The following SLC28A3 variants were observed in gnomAD, a reference collection of about 807,000 sequenced individuals.
SLC28A3 encodes the protein concentrative Na(+)-nucleoside cotransporter 3.
Under a neutral mutation model 84.2 loss-of-function variants are expected in SLC28A3, and 68 were observed. The ratio of observed to expected loss-of-function variants is 0.81; its 90% CI spans 0.66 to 0.99. The LOEUF is 0.99. SLC28A3 is among the 50% of genes least tolerant of loss of function. The probability of loss-of-function intolerance (pLI) is 0.00; values close to 1 mark genes in which losing one functional copy is unlikely to be tolerated. For missense variants in SLC28A3, 712 were observed against 841.5 expected, an observed-to-expected ratio of 0.85 and a Z score of 1.90; for synonymous variants, 267 against 303.6, an observed-to-expected ratio of 0.88 and a Z score of 1.25.
At chr9:84,332,940 A>T (rs1826842501) in intron 1 of SLC28A3, among the ~76,000 whole-genome samples, 1 of 152,240 alleles carries the variant, frequency 6.6e-6, no homozygotes, top group Non-Finnish European at 1.5e-5. Flanking sequence ...TTTACAAATC[A>T]TAACTGACAA....
rs1209940721 is a variant in SLC28A3, at chr9:84,299,649, G to A, written c.601C>T (p.Leu201=). 2 of 1,613,780 alleles carry A rather than the reference G, an allele frequency of 1.2e-6. No homozygotes were observed. The highest frequency in any genetic ancestry group is 2.2e-5 in the East Asian group (1 of 44,874). ...ATTATGAGCCCACCGAAGGACACCAGCTGCTGTTGACCCAATTTGGCAGTG... is the reference window on the plus strand; with the variant it reads ...ATTATGAGCCCACCGAAGGACACCAACTGCTGTTGACCCAATTTGGCAGTG... The part of the protein sequence containing the change: ...FDTAKLGQQQ[L]VSFGGLIMYI... The change falls in exon 6 of 18, where the codon CTG becomes TTG. Residue 201 remains leucine, a synonymous_variant. Coordinates refer to ENST00000376238, the MANE Select transcript of SLC28A3 (RefSeq NM_001199633.2).
At chr9:84,330,792 T>C (rs556066881) in intron 1 of SLC28A3, among the ~76,000 whole-genome samples, 29 of 152,194 alleles carry the variant, frequency 1.9e-4, no homozygotes, top group Non-Finnish European at 3.1e-4. Flanking sequence ...TTTCAATATA[T>C]GAGGTTCCAT....
chr9:84,298,470 G>T (rs1815943421), intron 6 of SLC28A3, among the ~76,000 whole-genome samples: 2 of 151,936 alleles, frequency 1.3e-5, no homozygotes, highest in African/African-American at 4.9e-5. Context: ...CTGGGCAACA[G>T]AGCGAGACTC....
intron 4 of SLC28A3, among the ~76,000 whole-genome samples, chr9:84,303,589 G>A (rs1426629716): frequency 6.6e-6 from 1 of 152,132 alleles, no homozygotes; most frequent in South Asian, 2.1e-4. Flanking sequence ...AAAAGTGCTG[G>A]GATTATAGGC....
chr9:84,368,330 C>A, the SLC28A3 span, among the ~76,000 whole-genome samples: 1 of 152,266 alleles, frequency 6.6e-6, no homozygotes, highest in Non-Finnish European at 1.5e-5. Flanking sequence ...AGGTTAACAG[C>A]ATCTCAAAGC....
chr9:84,337,249 A>G (rs1827008107), intron 1 of SLC28A3, among the ~76,000 whole-genome samples: 1 of 152,062 alleles, frequency 6.6e-6, no homozygotes, highest in Non-Finnish European at 1.5e-5. Context: ...CAAGAAGAGC[A>G]TATTATTCTT....
At chr9:84,355,771 A>G in the SLC28A3 span, among the ~76,000 whole-genome samples, 1 of 152,022 alleles carries the variant, frequency 6.6e-6, no homozygotes, top group Non-Finnish European at 1.5e-5. Context: ...TACTCAATAC[A>G]TTAGCTATTA....
intron 1 of SLC28A3, among the ~76,000 whole-genome samples, chr9:84,320,053 T>TGTTTG (rs1564170453): frequency 8.3e-5 from 11 of 132,358 alleles, no homozygotes; most frequent in African/African-American, 3.3e-4. Context: ...TTTTTTTTTT[T>TGTTTG]TTTTTTTTTT....
chr9:84,302,389 C>G lies in SLC28A3; in HGVS notation c.335G>C (p.Gly112Ala), dbSNP rs763222501. The change falls in exon 5 of 18, where the codon GGT becomes GCT. Residue 112 changes from glycine (G) to alanine (A), a missense_variant and splice_region_variant. By Grantham distance (60) the Gly-to-Ala change is moderately conservative. Transcript: ENST00000376238. Reference sequence around the variant, plus strand: ...GGCCGAAATCACCATAACCAGATAACCTGTCCAGGAAGCAAAAACAGACAC... The same window carrying G: ...GGCCGAAATCACCATAACCAGATAAGCTGTCCAGGAAGCAAAAACAGACAC... ...RHIIWGILLAGYLVMVISACV... is the reference protein window; with the variant it reads ...RHIIWGILLAAYLVMVISACV... 6.2e-7 allele frequency: 1 copy of G among 1,612,744 alleles called. No homozygotes were observed. Among genetic ancestry groups the G allele is most frequent in the African/African-American group, 1.3e-5 (1 of 75,004 alleles).
Position 84,285,467 on chromosome 9 carries a change from T to C in SLC28A3, c.1525A>G (p.Arg509Gly). Residue 509 changes from arginine to glycine, a missense_variant, in exon 14 of 18, where the codon AGA becomes GGA. Transcript: ENST00000376238. The stretch of plus-strand genomic sequence containing the variant: ...AAGAAGGTCTTATAACCTATGAGTC[T>C]GGCAACCATAAAGCTGTCCTGCCAT... Reference protein sequence around the residue: ...VEWQDSFMVARLIGYKTFFNE... With the variant: ...VEWQDSFMVAGLIGYKTFFNE... The C allele has an allele frequency of 6.2e-7, 1 of 1,614,204 alleles. No homozygotes were observed. Among genetic ancestry groups the C allele is most frequent in the Non-Finnish European group, 8.5e-7 (1 of 1,180,030 alleles).
At chr9:84,307,446 C>CAAAAAAAGT (rs1340546348) in intron 3 of SLC28A3, among the ~76,000 whole-genome samples, 1 of 82,068 alleles carries the variant, frequency 1.2e-5, no homozygotes, top group African/African-American at 5.5e-5. Flanking sequence ...AAAAAAAAAA[C>CAAAAAAAGT]AAAAACAAAA....
rs773052862 is a variant in SLC28A3 at position 84,309,663 on chromosome 9, T to C, written c.208A>G (p.Met70Val). Residue 70 changes from methionine (M) to valine (V), a missense_variant, in exon 3 of 18, where the codon ATG (methionine) becomes GTG (valine). Met to Val is a conservative substitution (Grantham distance 21, BLOSUM62 1). Transcript: ENST00000376238. ...TGCATCTCCTCATCATCATCCTCCA[T>C]GTGTTCTCTGTTTCTTGGAGAATCC... ...EQDSPRNREHMEDDDEEMQQK... is the reference protein window; with the variant it reads ...EQDSPRNREHVEDDDEEMQQK... The C allele has an allele frequency of 6.2e-7, 1 of 1,613,860 alleles. No homozygotes were observed. Among genetic ancestry groups the C allele is most frequent in the Admixed American group, 1.7e-5 (1 of 59,980 alleles).
intron 1 of SLC28A3, among the ~76,000 whole-genome samples, chr9:84,328,333 G>GA (rs574673580): frequency 0.081 from 11,400 of 140,412 alleles, 476 homozygotes; most frequent in African/African-American, 0.12. Context: ...AATTAAAAAG[G>GA]AAAAAAAAAA....
chr9:84,323,483 G>GCC (rs1826446540), intron 1 of SLC28A3, among the ~76,000 whole-genome samples: 1 of 149,820 alleles, frequency 6.7e-6, no homozygotes, highest in Non-Finnish European at 1.5e-5. Context: ...GGAGTGCAGT[G>GCC]GCATGATCTC....
chr9:84,320,056 T>TTTTG (rs1826320151), intron 1 of SLC28A3, among the ~76,000 whole-genome samples: 2 of 128,678 alleles, frequency 1.6e-5, no homozygotes, highest in Admixed American at 8.3e-5. Flanking sequence ...TTTTTTTTTT[T>TTTTG]TTTTTTTTTT....
intron 1 of SLC28A3, among the ~76,000 whole-genome samples, chr9:84,326,633 AAACAACAACAACAACAAC>A (rs34082643): frequency 1.0e-3 from 150 of 148,292 alleles, no homozygotes; most frequent in South Asian, 4.2e-3. Flanking sequence ...GATGGATTAA[AAACAACAACAACAACAAC>A]AACAACAACA....
chr9:84,327,538 G>A (rs377302299), intron 1 of SLC28A3, among the ~76,000 whole-genome samples: 10 of 152,192 alleles, frequency 6.6e-5, no homozygotes, highest in East Asian at 1.9e-4. Flanking sequence ...GAGTCTAGCC[G>A]TTTTGAAGGG....
chr9:84,343,262 A>C (rs1827199947), upstream of SLC28A3, among the ~76,000 whole-genome samples: 1 of 152,112 alleles, frequency 6.6e-6, no homozygotes, highest in Admixed American at 6.5e-5. Flanking sequence ...ACTGAAGTCC[A>C]ACCCTCCGTT....
intron 3 of SLC28A3, among the ~76,000 whole-genome samples, chr9:84,307,474 A>T (rs891189884): frequency 4.6e-5 from 7 of 151,992 alleles, no homozygotes. Flanking sequence ...GAAAGAATAA[A>T]AATATCAAAA....
Sources: gnomAD v4.1 joint callset for allele counts (sites outside exome capture counted in the v4.1 genomes callset) on GRCh38, gnomAD v4.1.1 for gene constraint, MANE v1.5 for transcripts, NCBI Gene and HGNC (gene_info 2026-07-23, HGNC 2026-07-21) for gene names.